Variants in CTBP2 observed in about 807,000 individuals in gnomAD.
CTBP2 encodes C-terminal binding protein 2.
Under a neutral mutation model 80.3 loss-of-function variants are expected in CTBP2, and 30 were observed. The observed-to-expected ratio is 0.37, with a 90% CI of 0.28 to 0.51. The LOEUF (loss-of-function observed/expected upper bound fraction) is 0.51. CTBP2 is among the 20% of genes least tolerant of loss of function. The pLI, the probability that CTBP2 is intolerant of heterozygous loss-of-function variation, is 0.93. For synonymous variants in CTBP2, 594 were observed against 587.4 expected, an observed-to-expected ratio of 1.01 and a Z score of -0.16; for missense variants, 1,212 against 1,375.3, an observed-to-expected ratio of 0.88 and a Z score of 1.88.
At chr10:125,113,824 C>T (rs1318393708) in intron 1 of CTBP2, among the ~76,000 whole-genome samples, 2 of 152,244 alleles carry the variant, frequency 1.3e-5, no homozygotes, top group Non-Finnish European at 2.9e-5. Context: ...GGTGACATTT[C>T]GTGGAATTTC....
chr10:125,076,558 C>T (rs1282320820), intron 2 of CTBP2, among the ~76,000 whole-genome samples: 1 of 152,208 alleles, frequency 6.6e-6, no homozygotes, highest in Non-Finnish European at 1.5e-5. Context: ...CTTCCACTCA[C>T]ACAAAAGAGC....
At chr10:125,144,268 G>T (rs1321467324) in intron 1 of CTBP2, among the ~76,000 whole-genome samples, 1 of 152,168 alleles carries the variant, frequency 6.6e-6, no homozygotes, top group Non-Finnish European at 1.5e-5. Flanking sequence ...CTAGAATGGG[G>T]TCATGTGAAT....
intron 3 of CTBP2, chr10:124,999,330 T>A (rs551054259): frequency 6.6e-6 from 1 of 152,400 alleles, no homozygotes; most frequent in African/African-American, 2.4e-5. Flanking sequence ...CAGGGCCACC[T>A]TTAAGGCAGC....
intron 2 of CTBP2, among the ~76,000 whole-genome samples, chr10:125,061,965 G>A (rs2946999): frequency 6.6e-6 from 1 of 152,030 alleles, no homozygotes; most frequent in East Asian, 1.9e-4. Flanking sequence ...AGAAAACAAC[G>A]GGCCAAAGAC....
intron 2 of CTBP2, among the ~76,000 whole-genome samples, chr10:125,044,011 G>T (rs990665420): frequency 1.3e-5 from 2 of 152,196 alleles, no homozygotes; most frequent in African/African-American, 2.4e-5. Context: ...TGTCCCCGGA[G>T]AACTCAGATC....
At chr10:125,013,385 C>T (rs56163718) in intron 1 of CTBP2, among the ~76,000 whole-genome samples, 12,546 of 152,264 alleles carry the variant, frequency 0.082, 651 homozygotes, top group Admixed American at 0.16. Flanking sequence ...AGACTGGAAA[C>T]GCCCGAAGTT....
At chr10:125,134,162 G>A (rs1417781274) in intron 1 of CTBP2, among the ~76,000 whole-genome samples, 2 of 152,132 alleles carry the variant, frequency 1.3e-5, no homozygotes, top group Admixed American at 6.5e-5. Context: ...CAGCCCCAAC[G>A]ACCAGATTTA....
At chr10:125,139,517 A>G (rs762342590) in intron 1 of CTBP2, among the ~76,000 whole-genome samples, 33 of 152,068 alleles carry the variant, frequency 2.2e-4, no homozygotes, top group Non-Finnish European at 4.3e-4. Flanking sequence ...CACACCCCTA[A>G]AAGACTGTCT....
intron 1 of CTBP2, among the ~76,000 whole-genome samples, chr10:125,146,759 G>C (rs1858858847): frequency 2.6e-5 from 4 of 152,268 alleles, no homozygotes; most frequent in Middle Eastern, 6.8e-3. Context: ...AGGAAGCACA[G>C]AGCAGTTAAC....
intron 2 of CTBP2, among the ~76,000 whole-genome samples, chr10:125,110,487 G>A (rs1272180311): frequency 6.6e-6 from 1 of 152,076 alleles, no homozygotes; most frequent in Non-Finnish European, 1.5e-5. Context: ...AAAAATCATG[G>A]TATGTTCAAG....
chr10:125,092,377 G>A (rs1331462199), intron 2 of CTBP2, among the ~76,000 whole-genome samples: 3 of 151,858 alleles, frequency 2.0e-5, no homozygotes, highest in African/African-American at 4.8e-5. Context: ...TTTTAGTAGA[G>A]ATGGGTTTCA....
intron 2 of CTBP2, among the ~76,000 whole-genome samples, chr10:125,106,196 T>C (rs371923554): frequency 6.6e-6 from 1 of 151,988 alleles, no homozygotes; most frequent in Non-Finnish European, 1.5e-5. Flanking sequence ...AGCGGAAAGA[T>C]GCACCCCATG....
At chr10:125,116,218 G>A (rs1384510397) in intron 1 of CTBP2, among the ~76,000 whole-genome samples, 1 of 152,138 alleles carries the variant, frequency 6.6e-6, no homozygotes, top group Non-Finnish European at 1.5e-5. Flanking sequence ...AAGGTCCCAA[G>A]CAAACTCTGG....
intron 2 of CTBP2, among the ~76,000 whole-genome samples, chr10:125,106,101 C>T (rs529469301): frequency 2.6e-5 from 4 of 152,332 alleles, no homozygotes; most frequent in South Asian, 4.1e-4. Context: ...AGTGGCCAGG[C>T]CTGTCTAGGG....
At chr10:125,094,038 T>C (rs555513408) in intron 2 of CTBP2, among the ~76,000 whole-genome samples, 2 of 152,250 alleles carry the variant, frequency 1.3e-5, no homozygotes, top group African/African-American at 4.8e-5. Context: ...AGAAACGCAA[T>C]ATAATGTGGT....
intron 1 of CTBP2, among the ~76,000 whole-genome samples, chr10:125,118,281 G>A (rs150769322): frequency 2.3e-4 from 35 of 152,328 alleles, no homozygotes; most frequent in African/African-American, 7.2e-4. Flanking sequence ...AAGCCCTTGC[G>A]GCATTAGCTA....
chr10:125,038,023 A>G (rs1959061129), intron 3 of CTBP2, among the ~76,000 whole-genome samples: 2 of 152,212 alleles, frequency 1.3e-5, no homozygotes, highest in African/African-American at 4.8e-5. Context: ...CTTTAACGCC[A>G]AACTCCTTAT....
chr10:124,992,617 C>T (rs1451582897), intron 8 of CTBP2, 78 bp downstream of exon 10: 17 of 1,044,758 alleles, frequency 1.6e-5, no homozygotes, highest in South Asian at 9.1e-5. Flanking sequence ...GTTAAGCTTC[C>T]GCCAAGTTTG....
intron 2 of CTBP2, among the ~76,000 whole-genome samples, chr10:125,049,042 C>CACAA: frequency 1.6e-5 from 1 of 61,494 alleles, no homozygotes; most frequent in South Asian, 6.8e-4. Context: ...CCCGCCTGAC[C>CACAA]ACAGACACAC....
Sources: gnomAD v4.1 joint callset for allele counts (sites outside exome capture counted in the v4.1 genomes callset) on GRCh38, gnomAD v4.1.1 for gene constraint, MANE v1.5 for transcripts, NCBI Gene and HGNC (gene_info 2026-07-23, HGNC 2026-07-21) for gene names.